KIZ: variants seen among roughly 807,000 people sequenced by gnomAD.
KIZ encodes the protein kizuna centrosomal protein.
A neutral mutation model predicts 79.6 loss-of-function variants in KIZ; 68 were observed. The observed-to-expected ratio is 0.85, with a 90% confidence interval of 0.70 to 1.05. The LOEUF is 1.05. Among genes scored for constraint, KIZ ranks in the 50% least tolerant of loss-of-function variants. KIZ has a pLI of 0.00. For synonymous variants in KIZ, 280 were observed against 281.8 expected, an observed-to-expected ratio of 0.99 and a Z score of 0.06; for missense variants, 797 against 800.4, an observed-to-expected ratio of 1.00 and a Z score of 0.05.
chr20:21,190,455 G>C (rs572264112), intron 6 of KIZ, among the ~76,000 whole-genome samples: 8 of 152,172 alleles, frequency 5.3e-5, no homozygotes, highest in African/African-American at 7.2e-5. Flanking sequence ...GACCTCTCTG[G>C]TTCCCAGTTG....
In KIZ at chr20:21,223,973, C is replaced by T. The variant is rs867059742; in HGVS notation, c.1679-5038C>T. On this transcript the variant is annotated intron_variant, in intron 9 of 12. Transcript: ENST00000619189. ...GATTACAGGCGTGAGCCACTGCACC[C>T]GGCCTTATTTCCTTATTTTTTATTT... 3.3e-5 allele frequency among the ~76,000 whole-genome samples: 5 copies of T among 151,816 alleles called. No homozygotes were observed. In the East Asian group the frequency reaches 5.8e-4, roughly 18 times the overall value.
chr20:21,201,517 A>G (rs1232340161), intron 6 of KIZ, among the ~76,000 whole-genome samples: 2 of 152,212 alleles, frequency 1.3e-5, no homozygotes, highest in African/African-American at 4.8e-5. Context: ...TAGTATATGA[A>G]AATCTCTATT....
Position 21,232,801 on chromosome 20 carries a change from T to C in KIZ, c.1851T>C (p.Phe617=). ...TANKIASEAS[F]SSSEGSPLSR... The stretch of plus-strand genomic sequence containing the variant: ...ACAAAATTGCTTCGGAAGCTAGTTT[T>C]TCATCTAGTGAAGGAAGTCCTTTGT... The change falls in exon 11 of 13, where the codon TTT becomes TTC. Residue 617 remains phenylalanine (F), a synonymous_variant. Coordinates refer to ENST00000619189, the MANE Select transcript of KIZ (RefSeq NM_018474.6). The C allele has an allele frequency of 6.4e-7, 1 of 1,572,740 alleles. No homozygotes were observed. Among genetic ancestry groups the C allele is most frequent in the Non-Finnish European group, 8.7e-7 (1 of 1,149,698 alleles).
At position 21,180,881 on chromosome 20, in the gene KIZ, A is replaced by G. The variant is rs551814820; in HGVS notation, c.1352+17722A>G. On this transcript the variant is annotated intron_variant, in intron 6 of 12. Coordinates refer to ENST00000619189, the MANE Select transcript of KIZ (RefSeq NM_018474.6). ...ATTCCAAGTCACCCTCAGATGTTCA[A>G]GCTGAGGCCCCAGACATCATGGAGC... 1.1e-3 allele frequency among the ~76,000 whole-genome samples: 169 copies of G among 152,276 alleles called. 1 individual carries two copies. Among genetic ancestry groups the G allele is most frequent in the Admixed American group, 3.1e-3 (47 of 15,292 alleles).
chr20:21,136,882 A>G (rs2032222317), intron 3 of KIZ, among the ~76,000 whole-genome samples: 1 of 152,198 alleles, frequency 6.6e-6, no homozygotes, highest in Non-Finnish European at 1.5e-5. Context: ...AGGATTAAGT[A>G]TCAGCTTTTT....
At chr20:21,204,117 T>G (rs867542662) in intron 6 of KIZ, among the ~76,000 whole-genome samples, 2,777 of 132,926 alleles carry the variant, frequency 0.021, 85 homozygotes, top group African/African-American at 0.069. Flanking sequence ...TTTTTTTTTT[T>G]TTTTTTTTTT....
chr20:21,167,674 G>A (rs1041245495), intron 6 of KIZ, among the ~76,000 whole-genome samples: 1 of 145,652 alleles, frequency 6.9e-6, no homozygotes, highest in South Asian at 2.3e-4. Context: ...CTAGTCTCAT[G>A]CCTCAGTCTC....
Position 21,162,875 on chromosome 20 carries a change from G to C in KIZ, c.1068G>C (p.Lys356Asn), listed in dbSNP as rs779305217. ...VSDHLAHREP[K>N]SQKPFRKMQE... The stretch of plus-strand genomic sequence containing the variant: ...ATCATCTTGCTCACAGGGAACCAAA[G>C]TCACAAAAGCCCTTCAGAAAAATGC... The change falls in exon 6 of 13, where the codon AAG (lysine) becomes AAC (asparagine). Residue 356 changes from lysine (K) to asparagine (N), a missense_variant. Coordinates refer to ENST00000619189, the MANE Select transcript of KIZ (RefSeq NM_018474.6). 1.9e-6 allele frequency: 3 copies of C among 1,613,246 alleles called. No individual in the cohort carries two copies. In the African/African-American group the frequency reaches 4.0e-5, roughly 22 times the overall value.
chr20:21,232,657 G>C (rs2036871723), intron 10 of KIZ, 77 bp from the exon 11 acceptor site: 8 of 754,060 alleles, frequency 1.1e-5, no homozygotes, highest in Middle Eastern at 2.3e-4. Context: ...CAAACTTACT[G>C]TGAGGCCACT....
At chr20:21,146,316 C>G (rs1219485628) in intron 4 of KIZ, among the ~76,000 whole-genome samples, 1 of 152,118 alleles carries the variant, frequency 6.6e-6, no homozygotes, top group Non-Finnish European at 1.5e-5. Context: ...ACCCCCTCAG[C>G]CAGTCGATAT....
chr20:21,147,020 G>T (rs1355425992), intron 4 of KIZ, among the ~76,000 whole-genome samples: 1 of 152,112 alleles, frequency 6.6e-6, no homozygotes, highest in African/African-American at 2.4e-5. Context: ...TTGATATTCG[G>T]TCATGAAATA....
intron 6 of KIZ, among the ~76,000 whole-genome samples, chr20:21,181,434 T>A (rs1331707191): frequency 6.6e-6 from 1 of 152,140 alleles, no homozygotes; most frequent in Non-Finnish European, 1.5e-5. Flanking sequence ...AAACACAAAT[T>A]TGAATTACTG....
At chr20:21,137,724 G>T (rs1203266699) in intron 3 of KIZ, among the ~76,000 whole-genome samples, 1 of 151,920 alleles carries the variant, frequency 6.6e-6, no homozygotes, top group African/African-American at 2.4e-5. Context: ...TAAATGCAGG[G>T]ACAGTCTCCT....
chr20:21,157,632 C>A (rs1188242667), intron 4 of KIZ, among the ~76,000 whole-genome samples: 1 of 152,178 alleles, frequency 6.6e-6, no homozygotes, highest in Non-Finnish European at 1.5e-5. Context: ...CTCTCCAGTT[C>A]TTGGCTCTGG....
intron 10 of KIZ, among the ~76,000 whole-genome samples, chr20:21,232,404 A>G (rs2036864806): frequency 6.6e-6 from 1 of 152,220 alleles, no homozygotes; most frequent in African/African-American, 2.4e-5. Context: ...TGTTATAACA[A>G]TGGGAATTAT....
chr20:21,232,465 G>C (rs2036866034), intron 10 of KIZ, among the ~76,000 whole-genome samples: 1 of 152,196 alleles, frequency 6.6e-6, no homozygotes, highest in Non-Finnish European at 1.5e-5. Flanking sequence ...GTGCATCTTA[G>C]TCATTTAAAA....
rs1257582101 is a variant in KIZ at position 21,126,208 on chromosome 20, A to G, written c.89+4A>G. On this transcript the variant is annotated splice_donor_region_variant and intron_variant, in intron 1 of 12. Transcript: ENST00000619189. ...TCCAGCACGGGCTGCGGGACAGGTA[A>G]GGGCACTGGGGCGGGGGTGGGGAGT... 1 of 1,441,954 alleles carries G rather than the reference A, an allele frequency of 6.9e-7. No homozygotes were observed. Among genetic ancestry groups the G allele is most frequent in the Admixed American group, 2.5e-5 (1 of 40,050 alleles). 89.3% of individuals were successfully genotyped at this position (1,441,954 alleles called of 1,614,324 possible).
chr20:21,147,989 G>GTGTGTGTGTT (rs1169052371), intron 4 of KIZ, among the ~76,000 whole-genome samples: 1 of 151,750 alleles, frequency 6.6e-6, no homozygotes, highest in Non-Finnish European at 1.5e-5. Context: ...GTGTGTGTGT[G>GTGTGTGTGTT]TGTGTGGCAG....
chr20:21,161,151 C>T (rs911274500), intron 4 of KIZ, among the ~76,000 whole-genome samples: 7 of 151,996 alleles, frequency 4.6e-5, no homozygotes, highest in Non-Finnish European at 7.4e-5. Flanking sequence ...AATGTCTATC[C>T]AAATCCTTTT....
Sources: gnomAD v4.1 joint callset for allele counts (sites outside exome capture counted in the v4.1 genomes callset) on GRCh38, gnomAD v4.1.1 for gene constraint, MANE v1.5 for transcripts, NCBI Gene and HGNC (gene_info 2026-07-23, HGNC 2026-07-21) for gene names.